The following DNAAF5 variants were observed in gnomAD, a reference collection of about 807,000 sequenced individuals.
DNAAF5 encodes the protein dynein axonemal assembly factor 5, also known as HEAT repeat containing 2.
In DNAAF5, 64 loss-of-function variants were observed where a neutral mutation model predicts 75.8. That is an observed-to-expected ratio of 0.84 (90% CI 0.69 to 1.04). DNAAF5 has a LOEUF of 1.04. Among genes scored for constraint, DNAAF5 ranks in the 50% least tolerant of loss-of-function variants. DNAAF5 has a pLI of 0.00. For missense variants in DNAAF5, 1,269 were observed against 1,178.5 expected (o/e 1.08, Z -1.12); for synonymous variants, 657 against 557.2 (o/e 1.18, Z -2.52).
intron 2 of DNAAF5, among the ~76,000 whole-genome samples, chr7:732,847 C>G (rs762586719): frequency 5.1e-4 from 77 of 152,200 alleles, no homozygotes; most frequent in Non-Finnish European, 6.0e-4. Context: ...GATGTGATCC[C>G]ATTTGCCCAG....
intron 8 of DNAAF5, among the ~76,000 whole-genome samples, chr7:764,402 C>G (rs376874701): frequency 3.9e-4 from 60 of 152,220 alleles, no homozygotes; most frequent in Non-Finnish European, 7.5e-4. Flanking sequence ...GCCACTTTTC[C>G]TGGGATGGAC....
intron 4 of DNAAF5, chr7:750,831 TC>T (rs1325317239): frequency 1.8e-5 from 3 of 167,052 alleles, no homozygotes; most frequent in Non-Finnish European, 1.5e-5. Context: ...CCCCGGCTGT[TC>T]CTGGTCACGC....
Position 754,466 on chromosome 7 carries a change from A to G in DNAAF5, c.1025-123A>G, listed in dbSNP as rs1406075442. 3 of 834,968 alleles carry G rather than the reference A, an allele frequency of 3.6e-6. No homozygotes were observed. The highest frequency in any genetic ancestry group is 6.0e-6 in the Non-Finnish European group (3 of 499,808). 51.7% of individuals were successfully genotyped at this position (834,968 alleles called of 1,614,324 possible). ...ATTTGTCAGCTTTGCGTCCACCCCA[A>G]GACTTGTTTTGAAATGGTGAGGTTG... On this transcript the variant is annotated intron_variant, in intron 4 of 12. Coordinates refer to ENST00000297440, the MANE Select transcript of DNAAF5 (RefSeq NM_017802.4). The surrounding 1 kb of genome is among the most constrained non-coding windows in gnomAD (Gnocchi z 4.8).
intron 4 of DNAAF5, among the ~76,000 whole-genome samples, chr7:743,774 AGCTG>A (rs1781996510): frequency 2.6e-5 from 4 of 151,354 alleles, no homozygotes; most frequent in Admixed American, 2.6e-4. Context: ...CCTCCCAAGT[AGCTG>A]GGATTACAGG....
In DNAAF5 at chr7:726,872, A is replaced by C; in HGVS notation, c.152A>C (p.Glu51Ala). The C allele has an allele frequency of 3.8e-6, 5 of 1,320,556 alleles. No individual in the cohort carries two copies. The highest frequency in any genetic ancestry group is 4.8e-6 in the Non-Finnish European group (5 of 1,037,702). 81.8% of individuals were successfully genotyped at this position (1,320,556 alleles called of 1,614,324 possible). A position where few individuals can be genotyped will look rare whatever the true frequency, so the allele number is the denominator to read the frequency against. ...DSKPGRRRAL[E>A]ALRRALEEPG... ...AAGCCGGGCCGGCGGCGCGCCTTGG[A>C]GGCCCTGCGGCGCGCGCTGGAGGAG... Residue 51 changes from glutamate to alanine, a missense_variant, in exon 1 of 13, where the codon GAG (glutamate) becomes GCG (alanine). Transcript: ENST00000297440.
intron 2 of DNAAF5, among the ~76,000 whole-genome samples, chr7:730,766 C>T (rs1054771727): frequency 3.3e-5 from 5 of 151,706 alleles, no homozygotes; most frequent in South Asian, 2.1e-4. Context: ...AGGGGCTGTG[C>T]GCAGAGACAC....
chr7:779,741 G>A (rs1321648242), intron 11 of DNAAF5, among the ~76,000 whole-genome samples: 5 of 152,192 alleles, frequency 3.3e-5, no homozygotes, highest in Non-Finnish European at 5.9e-5. Flanking sequence ...GGCCTGGGCC[G>A]CCTCCACTCT....
At chr7:779,312 C>T (rs2128086234) in intron 11 of DNAAF5, among the ~76,000 whole-genome samples, 1 of 152,272 alleles carries the variant, frequency 6.6e-6, no homozygotes, top group Non-Finnish European at 1.5e-5. Context: ...CTCCCAGCGT[C>T]GGGAAGATGG....
chr7:769,613 G>A (rs1562395954), intron 8 of DNAAF5, among the ~76,000 whole-genome samples: 1 of 152,220 alleles, frequency 6.6e-6, no homozygotes, highest in Non-Finnish European at 1.5e-5. Context: ...ACTATTGCTT[G>A]ACTTTAATTT....
chr7:782,008 C>T (rs146033245), intron 12 of DNAAF5, among the ~76,000 whole-genome samples: 7 of 152,394 alleles, frequency 4.6e-5, no homozygotes, highest in African/African-American at 1.7e-4. Context: ...CCTGGATGTG[C>T]TGACTTTGCC....
intron 4 of DNAAF5, among the ~76,000 whole-genome samples, chr7:749,353 G>A (rs1011842120): frequency 3.3e-5 from 5 of 152,190 alleles, no homozygotes; most frequent in East Asian, 1.9e-4. Context: ...AAAGGAAAGC[G>A]TCTCGATGCT....
intron 2 of DNAAF5, among the ~76,000 whole-genome samples, chr7:735,642 A>T (rs752052635): frequency 6.6e-6 from 1 of 152,116 alleles, no homozygotes; most frequent in Non-Finnish European, 1.5e-5. Context: ...GTTGTTTGTA[A>T]TGTCCTCTTC....
chr7:775,980 CA>C (rs557846115), intron 11 of DNAAF5, among the ~76,000 whole-genome samples: 142 of 152,260 alleles, frequency 9.3e-4, no homozygotes, highest in Middle Eastern at 3.4e-3. Flanking sequence ...TTCCTGGAAC[CA>C]AACCCCACAG....
In DNAAF5 at chr7:747,680, G is replaced by A. The variant is rs184233825; in HGVS notation, c.1024+6215G>A. 5.1e-3 allele frequency among the ~76,000 whole-genome samples: 661 copies of A among 128,574 alleles called. 8 individuals are homozygous for A. The highest frequency in any genetic ancestry group is 0.04 in the East Asian group (148 of 3,690). The allele number at this position is 128,574 out of a possible 152,430, so 84.3% of individuals were successfully genotyped here. On this transcript the variant is annotated intron_variant, in intron 4 of 12. Coordinates refer to ENST00000297440, the MANE Select transcript of DNAAF5 (RefSeq NM_017802.4). The stretch of plus-strand genomic sequence containing the variant: ...GGGGTTTGCTGGTTTCAGTGTGTCC[G>A]GCTGGTGTGCAGTGGTGGCCCACGG...
Position 754,699 on chromosome 7 carries a change from T to A in DNAAF5, c.1135T>A (p.Ser379Thr), listed in dbSNP as rs1271545207. 1.2e-6 allele frequency: 2 copies of A among 1,613,804 alleles called. No homozygotes were observed. The highest frequency in any genetic ancestry group is 4.5e-5 in the East Asian group (2 of 44,888). The change falls in exon 5 of 13, where the codon TCG becomes ACG. Residue 379 changes from serine to threonine, a missense_variant. Transcript: ENST00000297440. The surrounding 1 kb of genome is among the most constrained non-coding windows in gnomAD (Gnocchi z 4.8). Reference sequence around the variant, plus strand: ...CTGGGTGGTGGGGACCCGAGTGAAGTCGGCACAGCTGCTCCCAGTGCTGCT... The same window carrying A: ...CTGGGTGGTGGGGACCCGAGTGAAGACGGCACAGCTGCTCCCAGTGCTGCT... Reference protein sequence around the residue: ...TDWVVGTRVKSAQLLPVLLLH... With the variant: ...TDWVVGTRVKTAQLLPVLLLH...
chr7:781,324 C>T (rs1366071388), intron 12 of DNAAF5, among the ~76,000 whole-genome samples: 1 of 152,232 alleles, frequency 6.6e-6, no homozygotes, highest in Non-Finnish European at 1.5e-5. Flanking sequence ...GCGACCTCCA[C>T]TTCCCTCCAT....
chr7:767,530 A>C (rs1403505005), intron 8 of DNAAF5, among the ~76,000 whole-genome samples: 1 of 152,238 alleles, frequency 6.6e-6, no homozygotes, highest in Non-Finnish European at 1.5e-5. Flanking sequence ...ACGAAGTTAA[A>C]TACATAATGA....
At position 774,107 on chromosome 7, in the gene DNAAF5, G is replaced by A; in HGVS notation, c.1991G>A (p.Trp664Ter). The part of the protein sequence containing the change: ...TKDILAPNLQ[W>*]HAGRTAAAIR... ...GACATCCTGGCCCCCAATCTGCAGT[G>A]GCATGCGGGGAGGACAGCCGCGGCC... Residue 664 changes from tryptophan to a stop codon, truncating the protein, a stop_gained, in exon 10 of 13, where the codon TGG becomes TAG. Coordinates refer to ENST00000297440, the MANE Select transcript of DNAAF5 (RefSeq NM_017802.4). LOFTEE classifies it high-confidence loss of function. The A allele has an allele frequency of 6.2e-7, 1 of 1,613,662 alleles. No homozygotes were observed. The highest frequency in any genetic ancestry group is 8.5e-7 in the Non-Finnish European group (1 of 1,180,012).
At chr7:734,987 C>T (rs936292645) in intron 2 of DNAAF5, among the ~76,000 whole-genome samples, 7 of 150,848 alleles carry the variant, frequency 4.6e-5, no homozygotes, top group South Asian at 2.1e-4. Context: ...CTCACAGTGT[C>T]GCTGCTCACG....
Sources: gnomAD v4.1 joint callset for allele counts (sites outside exome capture counted in the v4.1 genomes callset) on GRCh38, gnomAD v4.1.1 for gene constraint, Gnocchi (gnomAD v3.1) non-coding constraint, MANE v1.5 for transcripts, NCBI Gene and HGNC (gene_info 2026-07-23, HGNC 2026-07-21) for gene names.